The following DPY19L2 variants were observed in gnomAD, a reference collection of about 807,000 sequenced individuals.
DPY19L2 encodes the protein probable C-mannosyltransferase DPY19L2.
Under a neutral mutation model 97.9 loss-of-function variants are expected in DPY19L2, and 34 were observed. That is an observed-to-expected ratio of 0.35 (90% CI 0.26 to 0.46). DPY19L2 has a LOEUF of 0.46. Among genes scored for constraint, DPY19L2 ranks in the 20% least tolerant of loss-of-function variants. The probability of loss-of-function intolerance (pLI) is 1.00; values close to 1 mark genes in which losing one functional copy is unlikely to be tolerated. For missense variants in DPY19L2, 623 were observed against 911.4 expected (o/e 0.68, Z 4.07); for synonymous variants, 230 against 307.9 (o/e 0.75, Z 2.65).
chr12:63,588,708 A>C (rs572178322), intron 16 of DPY19L2, among the ~76,000 whole-genome samples: 68 of 151,324 alleles, frequency 4.5e-4, no homozygotes, highest in African/African-American at 1.6e-3. Context: ...TTAATTTTTA[A>C]AATTATCCTG....
intron 4 of DPY19L2, among the ~76,000 whole-genome samples, chr12:63,652,095 T>C (rs1894326557): frequency 1.3e-5 from 2 of 152,072 alleles, no homozygotes; most frequent in African/African-American, 4.8e-5. Flanking sequence ...ATGTCACTTT[T>C]TTAAAACATG....
At chr12:63,630,136 A>T (rs148789464) in intron 6 of DPY19L2, among the ~76,000 whole-genome samples, 7,023 of 152,202 alleles carry the variant, frequency 0.046, 301 homozygotes, top group Non-Finnish European at 0.061. Context: ...AGACCATCAA[A>T]GCTAGGAAGA....
intron 12 of DPY19L2, among the ~76,000 whole-genome samples, chr12:63,604,193 C>G (rs565625330): frequency 6.6e-6 from 1 of 152,322 alleles, no homozygotes; most frequent in Admixed American, 6.5e-5. Flanking sequence ...TTTCACATGA[C>G]AAGTCTGCTA....
At chr12:63,571,702 T>G (rs890285444) in intron 19 of DPY19L2, among the ~76,000 whole-genome samples, 2 of 152,158 alleles carry the variant, frequency 1.3e-5, no homozygotes, top group African/African-American at 4.8e-5. Context: ...ATGAAATCAT[T>G]TCATTACTTG....
chr12:63,585,889 T>A (rs1215547089), intron 16 of DPY19L2, among the ~76,000 whole-genome samples: 3 of 152,080 alleles, frequency 2.0e-5, no homozygotes, highest in Admixed American at 1.3e-4. Flanking sequence ...AAAAGGAGTT[T>A]TCAGAAATTC....
chr12:63,622,742 A>G (rs1174423753), intron 8 of DPY19L2, among the ~76,000 whole-genome samples: 1 of 152,090 alleles, frequency 6.6e-6, no homozygotes, highest in African/African-American at 2.4e-5. Flanking sequence ...CCTGGCCAAC[A>G]TGGTAAAACC....
chr12:63,624,176 A>G, intron 7 of DPY19L2, 45 bp from the exon 8 acceptor site: 1 of 1,410,568 alleles, frequency 7.1e-7, no homozygotes, highest in Non-Finnish European at 1.0e-6. Flanking sequence ...TTACTACAAC[A>G]AACATATTAA....
chr12:63,652,634 G>T (rs1894421083), intron 4 of DPY19L2, among the ~76,000 whole-genome samples: 1 of 152,148 alleles, frequency 6.6e-6, no homozygotes, highest in Non-Finnish European at 1.5e-5. Context: ...CAACATGAAA[G>T]GAGTTAGAGG....
At chr12:63,571,909 C>T (rs6581492) in intron 19 of DPY19L2, among the ~76,000 whole-genome samples, 108,111 of 151,988 alleles carry the variant, frequency 0.71, 39,359 homozygotes, top group African/African-American at 0.86. Context: ...AAATCAGTAA[C>T]AAAGATAAGA....
In DPY19L2 at chr12:63,563,395, A is replaced by G. The variant is rs537524221; in HGVS notation, c.2127-2733T>C. ...CCATATTTTCTTCCAGAAATTTTAT[A>G]TTCTTGGATTCTTAGTAGCAAGTTA... On this transcript the variant is annotated intron_variant, in intron 21 of 21. Transcript: ENST00000324472. 6.6e-5 allele frequency among the ~76,000 whole-genome samples: 10 copies of G among 152,280 alleles called. No individual in the cohort carries two copies. The East Asian group carries it at 1.9e-3, about 29-fold the overall frequency.
At chr12:63,629,441 C>A (rs1394570941) in intron 6 of DPY19L2, among the ~76,000 whole-genome samples, 1 of 152,006 alleles carries the variant, frequency 6.6e-6, no homozygotes, top group Non-Finnish European at 1.5e-5. Context: ...GTAGCCAATT[C>A]GATCAACTGG....
intron 6 of DPY19L2, among the ~76,000 whole-genome samples, chr12:63,635,102 G>T (rs574699087): frequency 6.6e-6 from 1 of 152,296 alleles, no homozygotes; most frequent in South Asian, 2.1e-4. Flanking sequence ...GAATGATCAG[G>T]CAGCAACATT....
rs115581156 is a variant in DPY19L2, at chr12:63,583,380, C to T, written c.1605+432G>A. Among the ~76,000 whole-genome samples the T allele has an allele frequency of 2.6e-3, 394 of 152,252 alleles. 1 individual carries two copies. Among genetic ancestry groups the T allele is most frequent in the African/African-American group, 9.2e-3 (384 of 41,554 alleles). ...CTTATTTGTCTCCTTTGTAAAATTA[C>T]CATACTGAAGGGCAGGAACATGACT... On this transcript the variant is annotated intron_variant, in intron 17 of 21. Coordinates refer to ENST00000324472, the MANE Select transcript of DPY19L2 (RefSeq NM_173812.5).
In DPY19L2 at chr12:63,635,964, G is replaced by A. The variant is rs1891607610; in HGVS notation, c.803+8439C>T. 4.6e-5 allele frequency among the ~76,000 whole-genome samples: 7 copies of A among 152,096 alleles called. No individual in the cohort carries two copies. In the South Asian group the frequency reaches 1.5e-3, roughly 32 times the overall value. On this transcript the variant is annotated intron_variant, in intron 6 of 21. Coordinates refer to ENST00000324472, the MANE Select transcript of DPY19L2 (RefSeq NM_173812.5). ...TACTCCTCAAGAAGAGCAACCCCAA[G>A]ACACATAATTGTCAGATTCACCAAA...
chr12:63,596,132 TTAAAAG>T (rs1253946574), intron 14 of DPY19L2, 95 bp from the exon 15 acceptor site: 2 of 1,070,332 alleles, frequency 1.9e-6, no homozygotes, highest in African/African-American at 1.7e-5. Context: ...ATAACATTCC[TTAAAAG>T]TAAAAGGTTA....
intron 6 of DPY19L2, among the ~76,000 whole-genome samples, chr12:63,634,661 T>C (rs1891342772): frequency 6.6e-6 from 1 of 152,118 alleles, no homozygotes; most frequent in South Asian, 2.1e-4. Context: ...GAAGGTCCCA[T>C]GCCCATGGAG....
At chr12:63,577,573 C>T (rs142818626) in intron 19 of DPY19L2, among the ~76,000 whole-genome samples, 111 of 149,050 alleles carry the variant, frequency 7.4e-4, no homozygotes, top group Non-Finnish European at 1.4e-3. Context: ...ATATAAGGAG[C>T]TCAAACAACA....
chr12:63,602,064 T>A (rs1019954969), intron 12 of DPY19L2, among the ~76,000 whole-genome samples: 7 of 152,012 alleles, frequency 4.6e-5, no homozygotes, highest in African/African-American at 1.7e-4. Flanking sequence ...TCCACACCAC[T>A]GAATGATAAA....
At chr12:63,606,446 TTCAATTTTA>T (rs1356584343) in intron 12 of DPY19L2, among the ~76,000 whole-genome samples, 1 of 152,164 alleles carries the variant, frequency 6.6e-6, no homozygotes, top group Non-Finnish European at 1.5e-5. Flanking sequence ...TAAATGGGTG[TTCAATTTTA>T]TCAATTTTAT....
Sources: gnomAD v4.1 joint callset for allele counts (sites outside exome capture counted in the v4.1 genomes callset) on GRCh38, gnomAD v4.1.1 for gene constraint, MANE v1.5 for transcripts, NCBI Gene and HGNC (gene_info 2026-07-23, HGNC 2026-07-21) for gene names.